Variants in SLC15A3 observed in about 807,000 individuals in gnomAD.
The protein encoded by SLC15A3 is osteoclast transporter.
SLC15A3 carries 39 observed loss-of-function variants against 49.2 expected under a neutral mutation model. The observed-to-expected ratio is 0.79, with a 90% confidence interval of 0.61 to 1.04. The LOEUF (loss-of-function observed/expected upper bound fraction) is 1.04, where lower values mean the gene tolerates loss of function less well. Among genes scored for constraint, SLC15A3 ranks in the 50% least tolerant of loss-of-function variants. The pLI is 0.00. For synonymous variants in SLC15A3, 339 were observed against 367.0 expected (o/e 0.92, Z 0.87); for missense variants, 758 against 794.8 (o/e 0.95, Z 0.56).
chr11:60,937,360 ATTG>A lies in SLC15A3; in HGVS notation c.1602_1604del (p.Asn535del). On this transcript the variant is annotated inframe_deletion, in exon 8 of 8. Transcript: ENST00000227880. ...GGAAGAAGTAGAGGTCCATCCGGCA[ATTG>A]TTGATGTTCCCTGGGGAAAGGAGGG... The A allele has an allele frequency of 6.2e-7, 1 of 1,614,092 alleles. No homozygotes were observed. The highest frequency in any genetic ancestry group is 8.5e-7 in the Non-Finnish European group (1 of 1,180,004).
chr11:60,937,448 G>T (rs1856635627), intron 7 of SLC15A3, 75 bp from the exon 8 acceptor site: 7 of 1,587,776 alleles, frequency 4.4e-6, no homozygotes, highest in Non-Finnish European at 5.2e-6. Context: ...CCGTGTCCTA[G>T]CCCTGGGGCT....
At chr11:60,938,652 T>C (rs73493081) in intron 6 of SLC15A3, among the ~76,000 whole-genome samples, 5,588 of 152,086 alleles carry the variant, frequency 0.037, 324 homozygotes, top group African/African-American at 0.13. Flanking sequence ...ACACTTCGGC[T>C]CCCTGCACCT....
intron 2 of SLC15A3, among the ~76,000 whole-genome samples, chr11:60,944,809 G>A (rs1054312541): frequency 3.3e-5 from 5 of 152,270 alleles, no homozygotes; most frequent in East Asian, 3.9e-4. Flanking sequence ...ATCAGTAGGC[G>A]ACAAGATTGA....
chr11:60,943,817 C>T lies in SLC15A3; in HGVS notation c.868G>A (p.Val290Met), dbSNP rs746854534. 7 of 1,594,204 alleles carry T rather than the reference C, an allele frequency of 4.4e-6. No homozygotes were observed. Among genetic ancestry groups the T allele is most frequent in the South Asian group, 1.1e-5 (1 of 88,394 alleles). ...HSARDRQCARVLADERSPQPG... is the reference protein window; with the variant it reads ...HSARDRQCARMLADERSPQPG... Reference sequence around the variant, plus strand: ...TGGGGAGACCTCTCGTCGGCCAGCACGCGGGCACATTGACGGTCTCTGTGA... The same window carrying T: ...TGGGGAGACCTCTCGTCGGCCAGCATGCGGGCACATTGACGGTCTCTGTGA... Residue 290 changes from valine (V) to methionine (M), a missense_variant, in exon 3 of 8, where the codon GTG becomes ATG. This residue lies in a region of SLC15A3 where 699 missense variants were observed against 706.7 expected (regional missense o/e 0.99). Transcript: ENST00000227880.
chr11:60,950,597 G>T (rs1292075109), intron 1 of SLC15A3, among the ~76,000 whole-genome samples: 1 of 150,110 alleles, frequency 6.7e-6, no homozygotes, highest in Non-Finnish European at 1.5e-5. Context: ...AGACCAACAT[G>T]GTGAAACCCC....
intron 1 of SLC15A3, among the ~76,000 whole-genome samples, chr11:60,949,512 G>GAAAA (rs1856866660): frequency 1.6e-5 from 1 of 62,662 alleles, no homozygotes; most frequent in African/African-American, 3.8e-5. Context: ...AGGAAAGAAA[G>GAAAA]AAAGAAAGAA....
At position 60,951,106 on chromosome 11, in the gene SLC15A3, G is replaced by C; in HGVS notation, c.446C>G (p.Pro149Arg). Residue 149 changes from proline (P) to arginine (R), a missense_variant, in exon 1 of 8, where the codon CCG becomes CGG. Around this residue, in one of 3 missense-constraint regions of SLC15A3, gnomAD observed 699 missense variants for 706.7 expected, o/e 0.99. Transcript: ENST00000227880. ...GCAGTAGGGGCTGGGCGAGGAGCGC[G>C]GGCAGCCGGCCGAGGGGCAGGCAGG... ...LGPACPSAGCPRSSPSPYCAP... is the reference protein window; with the variant it reads ...LGPACPSAGCRRSSPSPYCAP... 6.8e-7 allele frequency: 1 copy of C among 1,476,146 alleles called. No individual in the cohort carries two copies. The allele number at this position is 1,476,146 out of a possible 1,614,324, so 91.4% of individuals were successfully genotyped here.
At chr11:60,942,222 C>A in intron 3 of SLC15A3, 77 bp from the exon 4 acceptor site, 1 of 1,218,644 alleles carries the variant, frequency 8.2e-7, no homozygotes, top group Non-Finnish European at 1.2e-6. Context: ...CATTCCTCAG[C>A]GCCGTACCAC....
chr11:60,938,220 C>T (rs931860979), intron 6 of SLC15A3, 195 bp from the exon 7 acceptor site: 8 of 624,584 alleles, frequency 1.3e-5, no homozygotes, highest in Non-Finnish European at 1.9e-5. Flanking sequence ...TCACCTGCCT[C>T]CTGGCTGAAC....
intron 1 of SLC15A3, 101 bp from the exon 2 acceptor site, chr11:60,946,922 G>A (rs2134936921): frequency 1.5e-6 from 2 of 1,333,886 alleles, no homozygotes; most frequent in South Asian, 3.0e-5. Context: ...GGGTCAGTGG[G>A]TGGTGGGCGT....
chr11:60,944,361 C>A (rs1034379865), intron 2 of SLC15A3, among the ~76,000 whole-genome samples: 14 of 152,208 alleles, frequency 9.2e-5, no homozygotes, highest in African/African-American at 3.4e-4. Flanking sequence ...AGCATCCTTA[C>A]TATCATCACC....
chr11:60,947,273 G>A (rs1271980430), intron 1 of SLC15A3, among the ~76,000 whole-genome samples: 1 of 151,904 alleles, frequency 6.6e-6, no homozygotes, highest in Non-Finnish European at 1.5e-5. Flanking sequence ...TCCACCTTCC[G>A]GGTTCATGCC....
intron 2 of SLC15A3, 46 bp from the exon 3 acceptor site, chr11:60,943,882 G>A: frequency 1.4e-6 from 2 of 1,439,428 alleles, no homozygotes; most frequent in East Asian, 2.6e-5. Context: ...TCAAGGCTGG[G>A]CTTGGTGGCT....
At position 60,946,968 on chromosome 11, in the gene SLC15A3, G is replaced by A. The variant is rs922367869; in HGVS notation, c.559-147C>T. 30 of 852,136 alleles carry A rather than the reference G, an allele frequency of 3.5e-5. No homozygotes were observed. In the South Asian group the frequency reaches 5.3e-4, roughly 15 times the overall value. 52.8% of individuals were successfully genotyped at this position (852,136 alleles called of 1,614,324 possible). A position where few individuals can be genotyped will look rare whatever the true frequency, so the allele number is the denominator to read the frequency against. ...TCCCAGTCTCTGATCACAAACAGAT[G>A]CTCAGTAAATATTTGCTGAGTGAAT... On this transcript the variant is annotated intron_variant, in intron 1 of 7. Transcript: ENST00000227880.
rs199743083 is a variant in SLC15A3, at chr11:60,951,274, A to G, written c.278T>C (p.Leu93Pro). 1,215 of 1,515,834 alleles carry G rather than the reference A, an allele frequency of 8.0e-4. No individual in the cohort carries two copies. Among genetic ancestry groups the G allele is most frequent in the Non-Finnish European group, 9.5e-4 (1,077 of 1,134,372 alleles). The allele number at this position is 1,515,834 out of a possible 1,614,324, so 93.9% of individuals were successfully genotyped here. A position where few individuals can be genotyped will look rare whatever the true frequency, so the allele number is the denominator to read the frequency against. Reference protein sequence around the residue: ...SYLLAPVGGWLADVYLGRYRA... With the variant: ...SYLLAPVGGWPADVYLGRYRA... The stretch of plus-strand genomic sequence containing the variant: ...GTAGCGGCCCAGGTACACGTCGGCC[A>G]GCCAGCCGCCCACGGGCGCCAGCAG... Residue 93 changes from leucine (L) to proline (P), a missense_variant, in exon 1 of 8, where the codon CTG becomes CCG. Transcript: ENST00000227880.
intron 6 of SLC15A3, 22 bp downstream of exon 6, chr11:60,939,458 C>G (rs769458788): frequency 1.2e-6 from 2 of 1,612,122 alleles, no homozygotes; most frequent in Admixed American, 1.7e-5. Flanking sequence ...GGTGCAGGAG[C>G]AGGGGAGGGG....
At chr11:60,939,217 C>G in intron 6 of SLC15A3, among the ~76,000 whole-genome samples, 1 of 152,190 alleles carries the variant, frequency 6.6e-6, no homozygotes, top group East Asian at 1.9e-4. Flanking sequence ...GGGTGGAGAA[C>G]CTGGCACCAG....
At chr11:60,950,137 A>T (rs1007673182) in intron 1 of SLC15A3, among the ~76,000 whole-genome samples, 5 of 152,222 alleles carry the variant, frequency 3.3e-5, no homozygotes, top group Non-Finnish European at 7.3e-5. Flanking sequence ...CCCATTCAGG[A>T]TATAAATGAG....
At position 60,937,268 on chromosome 11, in the gene SLC15A3, G is replaced by C. The variant is rs201852183; in HGVS notation, c.1697C>G (p.Ala566Gly). ...GCTGTGGGAGGCTGGGCCCTGGGACGCCCTCTCATAGCGTCCAGCGATCCA... is the reference window on the plus strand; with the variant it reads ...GCTGTGGGAGGCTGGGCCCTGGGACCCCCTCTCATAGCGTCCAGCGATCCA... Reference protein sequence around the residue: ...FVWIAGRYERASQGPASHSRF... With the variant: ...FVWIAGRYERGSQGPASHSRF... Residue 566 changes from alanine (A) to glycine (G), a missense_variant, in exon 8 of 8, where the codon GCG becomes GGG. Around this residue, in one of 3 missense-constraint regions of SLC15A3, gnomAD observed 699 missense variants for 706.7 expected, o/e 0.99. Coordinates refer to ENST00000227880, the MANE Select transcript of SLC15A3 (RefSeq NM_016582.3). 6.2e-7 allele frequency: 1 copy of C among 1,614,122 alleles called. No individual in the cohort carries two copies. The highest frequency in any genetic ancestry group is 1.7e-5 in the Admixed American group (1 of 60,020).
Sources: allele counts gnomAD v4.1 joint callset (sites outside exome capture counted in the v4.1 genomes callset), GRCh38; gene constraint gnomAD v4.1.1; regional missense constraint gnomAD v4.1.1; transcripts MANE v1.5; gene names NCBI Gene and HGNC (gene_info 2026-07-23, HGNC 2026-07-21).